The following CPPED1 variants were observed in gnomAD, a reference collection of about 807,000 sequenced individuals.
CPPED1 encodes the protein serine/threonine-protein phosphatase CPPED1.
In CPPED1, 28 loss-of-function variants were observed where a neutral mutation model predicts 28.0. The observed-to-expected ratio is 1.00, with a 90% CI of 0.74 to 1.37. The LOEUF (loss-of-function observed/expected upper bound fraction) is 1.37. Ranked by LOEUF, CPPED1 falls within the 40% of genes most tolerant of loss-of-function variation. The pLI is 0.00. For synonymous variants in CPPED1, 198 were observed against 180.2 expected (o/e 1.10, Z -0.79); for missense variants, 504 against 416.5 (o/e 1.21, Z -1.83).
In CPPED1 at chr16:12,794,300, A is replaced by C. The variant is rs144931296; in HGVS notation, c.70+9407T>G. On this transcript the variant is annotated intron_variant, in intron 1 of 3. Coordinates refer to ENST00000381774, the MANE Select transcript of CPPED1 (RefSeq NM_018340.3). ...GGTTGTACACCTCTGTGAATACACTAAAAGCCACTGAATTGTACACATTTA... is the reference window on the plus strand; with the variant it reads ...GGTTGTACACCTCTGTGAATACACTCAAAGCCACTGAATTGTACACATTTA... Among the ~76,000 whole-genome samples the C allele has an allele frequency of 3.7e-4, 57 of 152,298 alleles. 1 individual carries two copies. The highest frequency in any genetic ancestry group is 1.3e-3 in the African/African-American group (56 of 41,576).
At chr16:12,710,566 G>A (rs764230063) in intron 2 of CPPED1, among the ~76,000 whole-genome samples, 5 of 151,764 alleles carry the variant, frequency 3.3e-5, no homozygotes, top group Admixed American at 6.6e-5. Flanking sequence ...CCACAGAATG[G>A]GAGAAAATAT....
chr16:12,762,720 G>A (rs540695480), intron 2 of CPPED1, among the ~76,000 whole-genome samples: 6 of 152,176 alleles, frequency 3.9e-5, no homozygotes, highest in East Asian at 3.9e-4. Flanking sequence ...TAACAGGGAC[G>A]GAGTTTCTTT....
Position 12,682,099 on chromosome 16 carries a change from T to A in CPPED1, c.716-16984A>T, listed in dbSNP as rs1020195581. 5.3e-5 allele frequency among the ~76,000 whole-genome samples: 8 copies of A among 152,120 alleles called. No individual in the cohort carries two copies. Among genetic ancestry groups the A allele is most frequent in the African/African-American group, 1.9e-4 (8 of 41,424 alleles). On this transcript the variant is annotated intron_variant, in intron 3 of 3. Transcript: ENST00000381774. The surrounding 1 kb of genome is among the most constrained non-coding windows in gnomAD (Gnocchi z 6.1). ...CCTATGTTGGAGTGCAGTGGCGCGATCTTGGCTCACTGCAACTTGCGTATC... is the reference window on the plus strand; with the variant it reads ...CCTATGTTGGAGTGCAGTGGCGCGAACTTGGCTCACTGCAACTTGCGTATC...
At chr16:12,721,268 A>C (rs1032038673) in intron 2 of CPPED1, among the ~76,000 whole-genome samples, 1 of 152,216 alleles carries the variant, frequency 6.6e-6, no homozygotes, top group African/African-American at 2.4e-5. Flanking sequence ...CAAGACATCA[A>C]GATGATACAC....
Position 12,801,401 on chromosome 16 carries a change from A to C in CPPED1, c.70+2306T>G, listed in dbSNP as rs565250904. ...AGCCACCGCGGCCGGCCCTCAACAA[A>C]TATATAGGCGTGAGCCACCGCAGCC... On this transcript the variant is annotated intron_variant, in intron 1 of 3. Transcript: ENST00000381774. Among the ~76,000 whole-genome samples, 251 of 151,964 alleles carry C rather than the reference A, an allele frequency of 1.7e-3. 1 individual carries two copies. Among genetic ancestry groups the C allele is most frequent in the Admixed American group, 2.0e-3 (31 of 15,248 alleles).
chr16:12,668,858 T>C (rs917167601), intron 3 of CPPED1, among the ~76,000 whole-genome samples: 1 of 152,264 alleles, frequency 6.6e-6, no homozygotes, highest in Non-Finnish European at 1.5e-5. Flanking sequence ...TTGGAGAAAT[T>C]AGAACCTTCA....
chr16:12,771,661 T>C (rs2080471072), intron 2 of CPPED1, among the ~76,000 whole-genome samples: 1 of 152,252 alleles, frequency 6.6e-6, no homozygotes, highest in Non-Finnish European at 1.5e-5. Context: ...ATTATGTTCA[T>C]GGGTTTGTGT....
Position 12,664,452 on chromosome 16 carries a change from G to C in CPPED1, c.*434C>G. ...AACTTTGTTTTGCCTAGCGTTTTGG[G>C]AATCGTGACCACAATTTAATACAAT... On this transcript the variant is annotated 3_prime_UTR_variant, in exon 4 of 4. Transcript: ENST00000381774. The surrounding 1 kb of genome is among the most constrained non-coding windows in gnomAD (Gnocchi z 4.2). 3 of 1,007,224 alleles carry C rather than the reference G, an allele frequency of 3.0e-6. No individual in the cohort carries two copies. Among genetic ancestry groups the C allele is most frequent in the Non-Finnish European group, 3.6e-6 (3 of 844,546 alleles). 62.4% of individuals were successfully genotyped at this position (1,007,224 alleles called of 1,614,324 possible).
intron 3 of CPPED1, among the ~76,000 whole-genome samples, chr16:12,668,200 T>C (rs2079835788): frequency 6.6e-6 from 1 of 152,188 alleles, no homozygotes; most frequent in Non-Finnish European, 1.5e-5. Context: ...CTTCACTGAA[T>C]GAATTGCTTC....
At chr16:12,718,194 G>C (rs186528297) in intron 2 of CPPED1, among the ~76,000 whole-genome samples, 1 of 152,318 alleles carries the variant, frequency 6.6e-6, no homozygotes, top group East Asian at 1.9e-4. Flanking sequence ...CAGTGAGTCA[G>C]CTTGGCCACG....
At chr16:12,802,652 A>T (rs2080667577) in intron 1 of CPPED1, among the ~76,000 whole-genome samples, 1 of 152,214 alleles carries the variant, frequency 6.6e-6, no homozygotes, top group African/African-American at 2.4e-5. Flanking sequence ...CCTACTTTAG[A>T]TAAGGTAGCA....
intron 2 of CPPED1, among the ~76,000 whole-genome samples, chr16:12,707,182 C>T (rs553327006): frequency 4.6e-5 from 7 of 152,214 alleles, no homozygotes; most frequent in Admixed American, 3.9e-4. Flanking sequence ...CCCTTGTGGT[C>T]CAAGGCTGAT....
chr16:12,773,181 T>C (rs1300494114), intron 2 of CPPED1, among the ~76,000 whole-genome samples: 1 of 151,680 alleles, frequency 6.6e-6, no homozygotes, highest in Non-Finnish European at 1.5e-5. Flanking sequence ...TTTTAAAGTA[T>C]ATATGTGTGG....
intron 2 of CPPED1, among the ~76,000 whole-genome samples, chr16:12,777,381 G>C (rs956527144): frequency 2.6e-5 from 4 of 152,144 alleles, no homozygotes; most frequent in African/African-American, 9.7e-5. Flanking sequence ...AATCTAACAA[G>C]GCTTCTGGGG....
In CPPED1 at chr16:12,661,236, C is replaced by T. The variant is rs916112211; in HGVS notation, c.*3650G>A. ...ATATTGTTTCTACAGTTGTATACAC[C>T]GTAGTGTCTTTTACAGGTATATAAG... On this transcript the variant is annotated 3_prime_UTR_variant, in exon 4 of 4. Transcript: ENST00000381774. 1.3e-5 allele frequency: 2 copies of T among 152,256 alleles called. No homozygotes were observed. The highest frequency in any genetic ancestry group is 2.1e-4 in the South Asian group (1 of 4,832). The allele number at this position is 152,256 out of a possible 1,614,324, so 9.4% of individuals were successfully genotyped here.
At chr16:12,707,519 T>A (rs1018016214) in intron 2 of CPPED1, among the ~76,000 whole-genome samples, 1 of 152,178 alleles carries the variant, frequency 6.6e-6, no homozygotes, top group Non-Finnish European at 1.5e-5. Flanking sequence ...GACTTTATAA[T>A]ACACTGGGGT....
At chr16:12,719,569 C>CATG (rs1042046810) in intron 2 of CPPED1, among the ~76,000 whole-genome samples, 2 of 152,184 alleles carry the variant, frequency 1.3e-5, no homozygotes, top group African/African-American at 4.8e-5. Flanking sequence ...ATTGACTTAC[C>CATG]ATGTCCTTAT....
chr16:12,753,878 T>C (rs1489338047), intron 2 of CPPED1: 3 of 152,138 alleles, frequency 2.0e-5, no homozygotes, highest in Admixed American at 6.5e-5. Context: ...AAAGAGGAAA[T>C]GAAGCTGGCC....
intron 2 of CPPED1, among the ~76,000 whole-genome samples, chr16:12,751,790 G>A (rs540335254): frequency 6.3e-4 from 96 of 152,138 alleles, no homozygotes; most frequent in Admixed American, 1.1e-3. Flanking sequence ...ATGTGTATGC[G>A]TTATATTAAT....
Sources: gnomAD v4.1 joint callset for allele counts (sites outside exome capture counted in the v4.1 genomes callset) on GRCh38, gnomAD v4.1.1 for gene constraint, Gnocchi (gnomAD v3.1) non-coding constraint, MANE v1.5 for transcripts, NCBI Gene and HGNC (gene_info 2026-07-23, HGNC 2026-07-21) for gene names.